ATG3: variants seen among roughly 807,000 people sequenced by gnomAD.
The protein encoded by ATG3 is ubiquitin-like-conjugating enzyme ATG3.
A neutral mutation model predicts 50.7 loss-of-function variants in ATG3; 25 were observed. The ratio of observed to expected loss-of-function variants is 0.49; its 90% CI spans 0.36 to 0.69. The LOEUF (loss-of-function observed/expected upper bound fraction) is 0.69. Ranked by LOEUF, ATG3 falls within the 30% of genes least tolerant of loss-of-function variation. The probability of loss-of-function intolerance (pLI) is 0.00; values close to 1 mark genes in which losing one functional copy is unlikely to be tolerated. For missense variants in ATG3, 281 were observed against 376.0 expected (o/e 0.75, Z 2.09); for synonymous variants, 119 against 125.5 (o/e 0.95, Z 0.34).
At chr3:112,543,193 C>A (rs1034407282) in intron 6 of ATG3, among the ~76,000 whole-genome samples, 1 of 151,948 alleles carries the variant, frequency 6.6e-6, no homozygotes, top group Non-Finnish European at 1.5e-5. Flanking sequence ...AGACTAGGAA[C>A]ACAATTATTC....
At chr3:112,532,914 A>G (rs1311860215) in intron 11 of ATG3, 134 bp from the exon 12 acceptor site, 2 of 1,318,122 alleles carry the variant, frequency 1.5e-6, no homozygotes, top group Non-Finnish European at 1.9e-6. Context: ...AGTCTATTAA[A>G]GAATTCAACT....
chr3:112,545,228 T>C (rs1933340886), intron 5 of ATG3, among the ~76,000 whole-genome samples: 1 of 152,166 alleles, frequency 6.6e-6, no homozygotes, highest in Non-Finnish European at 1.5e-5. Flanking sequence ...TAACTTTTGG[T>C]TCAATTCTCT....
chr3:112,536,750 T>A, intron 9 of ATG3, 148 bp from the exon 10 acceptor site: 1 of 726,364 alleles, frequency 1.4e-6, no homozygotes, highest in Non-Finnish European at 2.1e-6. Context: ...TGAAACACCG[T>A]CTCTACTAAG....
intron 8 of ATG3, 21 bp from the exon 9 acceptor site, chr3:112,537,911 A>G (rs750549119): frequency 1.3e-6 from 2 of 1,569,784 alleles, no homozygotes; most frequent in South Asian, 2.3e-5. Context: ...TAAAAGAGAA[A>G]AATTTACAAC....
intron 5 of ATG3, among the ~76,000 whole-genome samples, chr3:112,546,126 C>T (rs1933360710): frequency 6.6e-6 from 1 of 151,742 alleles, no homozygotes; most frequent in Non-Finnish European, 1.5e-5. Context: ...TCAGATGAGT[C>T]AATTCCTCTA....
rs751691687 is a variant in ATG3 at position 112,561,446 on chromosome 3, G to C, written c.72+11C>G. Reference sequence around the variant, plus strand: ...TGCCTGACAGCTCCCGGCAACCCTGGCCTGGCTTACCTTGAGGACCGGGGT... The same window carrying C: ...TGCCTGACAGCTCCCGGCAACCCTGCCCTGGCTTACCTTGAGGACCGGGGT... On this transcript the variant is annotated intron_variant, in intron 1 of 11. Coordinates refer to ENST00000283290, the MANE Select transcript of ATG3 (RefSeq NM_022488.5). The C allele has an allele frequency of 1.2e-6, 2 of 1,611,896 alleles. No homozygotes were observed. Among genetic ancestry groups the C allele is most frequent in the East Asian group, 2.2e-5 (1 of 44,872 alleles).
intron 7 of ATG3, among the ~76,000 whole-genome samples, chr3:112,539,241 A>T (rs941022702): frequency 6.6e-6 from 1 of 152,138 alleles, no homozygotes; most frequent in Non-Finnish European, 1.5e-5. Context: ...ACAAACAAAC[A>T]AACAAAACCC....
intron 2 of ATG3, among the ~76,000 whole-genome samples, chr3:112,557,070 G>A (rs1933705258): frequency 6.6e-6 from 1 of 150,974 alleles, no homozygotes; most frequent in African/African-American, 2.4e-5. Flanking sequence ...GGTCTCCTAG[G>A]TTATTTCCAT....
intron 5 of ATG3, among the ~76,000 whole-genome samples, chr3:112,547,034 A>C (rs1297984095): frequency 1.3e-5 from 2 of 152,344 alleles, no homozygotes; most frequent in Non-Finnish European, 1.5e-5. Flanking sequence ...GTAGGGGAGA[A>C]ACTGACCTAA....
intron 4 of ATG3, 30 bp downstream of exon 4, chr3:112,550,162 A>T: frequency 6.5e-7 from 1 of 1,539,598 alleles, no homozygotes; most frequent in Non-Finnish European, 8.9e-7. Context: ...TCTACGCAAA[A>T]TTTATTCATA....
At chr3:112,538,102 G>A in intron 8 of ATG3, 44 bp downstream of exon 8, 1 of 1,448,432 alleles carries the variant, frequency 6.9e-7, no homozygotes, top group Non-Finnish European at 9.5e-7. Context: ...GCATCCCCAA[G>A]TTCATCCATT....
At chr3:112,548,436 T>A (rs1335703727) in intron 5 of ATG3, 97 bp downstream of exon 5, 2 of 1,067,404 alleles carry the variant, frequency 1.9e-6, no homozygotes, top group Non-Finnish European at 1.4e-6. Context: ...GACAAAACTA[T>A]GCCTTATGTA....
chr3:112,541,994 C>T (rs1933243973), intron 6 of ATG3, 110 bp from the exon 7 acceptor site: 1 of 745,018 alleles, frequency 1.3e-6, no homozygotes, highest in South Asian at 2.4e-5. Context: ...AATGACAAGG[C>T]AGTTCTTGTC....
At chr3:112,536,376 T>G (rs777137125) in intron 10 of ATG3, 99 bp downstream of exon 10, 5 of 1,426,356 alleles carry the variant, frequency 3.5e-6, no homozygotes, top group Non-Finnish European at 4.8e-6. Context: ...GTAAGAAAAT[T>G]TTTTTCTGTT....
At chr3:112,540,054 G>A (rs1933184769) in intron 7 of ATG3, among the ~76,000 whole-genome samples, 1 of 152,220 alleles carries the variant, frequency 6.6e-6, no homozygotes, top group Non-Finnish European at 1.5e-5. Flanking sequence ...AAATACATCT[G>A]AAGTTGAGAA....
chr3:112,537,935 T>C, intron 8 of ATG3, 45 bp from the exon 9 acceptor site: 3 of 1,505,102 alleles, frequency 2.0e-6, no homozygotes, highest in Admixed American at 2.2e-5. Flanking sequence ...TAAATCGGTA[T>C]GAATGTGACA....
chr3:112,547,892 G>A (rs750963948), intron 5 of ATG3, among the ~76,000 whole-genome samples: 12 of 152,204 alleles, frequency 7.9e-5, no homozygotes, highest in Non-Finnish European at 1.2e-4. Flanking sequence ...TCATAGAGGA[G>A]CACATAATCC....
intron 10 of ATG3, chr3:112,536,139 TCTA>T: frequency 1.0e-5 from 1 of 95,994 alleles, no homozygotes; most frequent in East Asian, 2.4e-4. Flanking sequence ...GCAAACCATA[TCTA>T]AATGACTATT....
intron 5 of ATG3, among the ~76,000 whole-genome samples, chr3:112,545,789 A>C (rs1270714239): frequency 6.6e-6 from 1 of 152,218 alleles, no homozygotes; most frequent in Non-Finnish European, 1.5e-5. Context: ...TAATACTCTA[A>C]AGGGTTATGG....
Sources: gnomAD v4.1 joint callset for allele counts (sites outside exome capture counted in the v4.1 genomes callset) on GRCh38, gnomAD v4.1.1 for gene constraint, MANE v1.5 for transcripts, NCBI Gene and HGNC (gene_info 2026-07-23, HGNC 2026-07-21) for gene names.